EPHA7: variants seen among roughly 807,000 people sequenced by gnomAD.
EPHA7 encodes ephrin type-A receptor 7.
EPHA7 carries 25 observed loss-of-function variants against 112.6 expected under a neutral mutation model. The ratio of observed to expected loss-of-function variants is 0.22; its 90% CI spans 0.16 to 0.31. EPHA7 has a LOEUF of 0.31. Among genes scored for constraint, EPHA7 ranks in the 10% least tolerant of loss-of-function variants. The pLI is 1.00. For synonymous variants in EPHA7, 437 were observed against 406.5 expected, an observed-to-expected ratio of 1.07 and a Z score of -0.90; for missense variants, 962 against 1,212.6, an observed-to-expected ratio of 0.79 and a Z score of 3.07.
chr6:93,243,906 G>A (rs1020466087), intron 16 of EPHA7, among the ~76,000 whole-genome samples: 1 of 151,882 alleles, frequency 6.6e-6, no homozygotes, highest in Non-Finnish European at 1.5e-5. Context: ...ATTTCTAACT[G>A]GAAAAAGCTT....
At chr6:93,369,252 G>A (rs2127958078) in intron 3 of EPHA7, among the ~76,000 whole-genome samples, 1 of 150,516 alleles carries the variant, frequency 6.6e-6, no homozygotes, top group East Asian at 2.0e-4. Flanking sequence ...AAATAAACTA[G>A]TAAGAATTCT....
intron 3 of EPHA7, among the ~76,000 whole-genome samples, chr6:93,365,431 T>C (rs976705878): frequency 1.3e-4 from 20 of 152,150 alleles, no homozygotes; most frequent in African/African-American, 4.8e-4. Flanking sequence ...CAAATATTTG[T>C]GTCATATTAA....
At chr6:93,353,450 A>AT (rs1307243513) in intron 5 of EPHA7, among the ~76,000 whole-genome samples, 1 of 152,134 alleles carries the variant, frequency 6.6e-6, no homozygotes, top group South Asian at 2.1e-4. Flanking sequence ...GATAAGTCAT[A>AT]TTTTTTACAG....
At chr6:93,332,868 A>G (rs990714246) in intron 5 of EPHA7, among the ~76,000 whole-genome samples, 2 of 151,698 alleles carry the variant, frequency 1.3e-5, no homozygotes, top group Non-Finnish European at 3.0e-5. Flanking sequence ...ATTTATTTTT[A>G]TGTTAAATTT....
intron 3 of EPHA7, among the ~76,000 whole-genome samples, chr6:93,399,681 T>G (rs897071940): frequency 2.0e-5 from 3 of 152,060 alleles, no homozygotes; most frequent in Non-Finnish European, 4.4e-5. Flanking sequence ...TGTGTGTGTG[T>G]GCGCGTGCAC....
rs537525204 is a variant in EPHA7 at position 93,367,616 on chromosome 6, A to AAC, written c.833-9207_833-9206dup. Among the ~76,000 whole-genome samples, 918 of 151,874 alleles carry AAC rather than the reference A, an allele frequency of 6.0e-3. 4 individuals carry two copies. Among genetic ancestry groups the AAC allele is most frequent in the African/African-American group, 7.1e-3 (295 of 41,480 alleles). On this transcript the variant is annotated intron_variant, in intron 3 of 16. Transcript: ENST00000369303. Reference sequence around the variant, plus strand: ...TTTATATCAATTATAAGACTGTTAGAACACACACACACACAAATTATAAGA... The same window carrying AAC: ...TTTATATCAATTATAAGACTGTTAGAACACACACACACACACAAATTATAAGA...
intron 7 of EPHA7, among the ~76,000 whole-genome samples, chr6:93,267,981 A>G (rs1000252063): frequency 7.2e-5 from 11 of 151,834 alleles, no homozygotes; most frequent in Non-Finnish European, 1.2e-4. Flanking sequence ...TTACAGGGTG[A>G]TATTATGATA....
intron 5 of EPHA7, among the ~76,000 whole-genome samples, chr6:93,331,535 A>G (rs1220189038): frequency 1.3e-5 from 2 of 151,420 alleles, no homozygotes; most frequent in Non-Finnish European, 3.0e-5. Context: ...AGAAACAGAG[A>G]TTCTGTCTAG....
chr6:93,357,152 G>T, intron 4 of EPHA7, 100 bp from the exon 5 acceptor site: 1 of 848,180 alleles, frequency 1.2e-6, no homozygotes, highest in Non-Finnish European at 1.8e-6. Flanking sequence ...TAAGCTAGTG[G>T]CTCAATTACC....
chr6:93,340,643 C>T (rs754775048), intron 5 of EPHA7, among the ~76,000 whole-genome samples: 1 of 151,692 alleles, frequency 6.6e-6, no homozygotes, highest in Non-Finnish European at 1.5e-5. Flanking sequence ...TGTAGTAAAA[C>T]GTTTCTATAT....
intron 5 of EPHA7, among the ~76,000 whole-genome samples, chr6:93,328,663 A>G (rs528871303): frequency 1.2e-3 from 187 of 151,490 alleles, no homozygotes; most frequent in Middle Eastern, 3.4e-3. Context: ...TTGGTTCCTG[A>G]GTCATGGCAA....
intron 5 of EPHA7, among the ~76,000 whole-genome samples, chr6:93,339,023 T>G (rs1036073397): frequency 2.0e-5 from 3 of 150,782 alleles, no homozygotes; most frequent in Non-Finnish European, 1.5e-5. Flanking sequence ...TACCGTAGGA[T>G]ACCAACATTT....
chr6:93,264,039 C>T (rs189254865), intron 8 of EPHA7, 124 bp from the exon 9 acceptor site: 2 of 573,210 alleles, frequency 3.5e-6, no homozygotes, highest in Middle Eastern at 4.6e-4. Context: ...AGTTATGAAT[C>T]CATTTAGTAA....
At chr6:93,279,036 A>G (rs1771604410) in intron 5 of EPHA7, among the ~76,000 whole-genome samples, 1 of 152,190 alleles carries the variant, frequency 6.6e-6, no homozygotes, top group East Asian at 1.9e-4. Flanking sequence ...CAGATACTAG[A>G]AGAGATTAAG....
At chr6:93,339,186 G>T (rs1303231875) in intron 5 of EPHA7, among the ~76,000 whole-genome samples, 1 of 151,452 alleles carries the variant, frequency 6.6e-6, no homozygotes, top group Non-Finnish European at 1.5e-5. Context: ...TTCATTTTTA[G>T]AAACTGATTA....
intron 5 of EPHA7, among the ~76,000 whole-genome samples, chr6:93,294,384 C>T (rs944765584): frequency 6.6e-5 from 10 of 152,042 alleles, no homozygotes; most frequent in South Asian, 4.1e-4. Context: ...ATGACTATTA[C>T]GGTTAAAATG....
chr6:93,247,995 A>G (rs1171824477), intron 14 of EPHA7, among the ~76,000 whole-genome samples: 5 of 152,170 alleles, frequency 3.3e-5, no homozygotes, highest in Non-Finnish European at 7.3e-5. Context: ...GAACAAGAAG[A>G]CAAACAGCAG....
chr6:93,313,775 T>G (rs547777731), intron 5 of EPHA7, among the ~76,000 whole-genome samples: 13 of 151,988 alleles, frequency 8.6e-5, no homozygotes, highest in Non-Finnish European at 1.8e-4. Flanking sequence ...AAGCAGAAGT[T>G]TCTTTACCCT....
chr6:93,250,338 T>C (rs1308394882), intron 14 of EPHA7, among the ~76,000 whole-genome samples: 2 of 152,316 alleles, frequency 1.3e-5, no homozygotes, highest in East Asian at 3.9e-4. Flanking sequence ...TTGTTAAATA[T>C]GCAACTAATA....
Sources: gnomAD v4.1 joint callset for allele counts (sites outside exome capture counted in the v4.1 genomes callset) on GRCh38, gnomAD v4.1.1 for gene constraint, MANE v1.5 for transcripts, NCBI Gene and HGNC (gene_info 2026-07-23, HGNC 2026-07-21) for gene names.